PPARGC1A: variants seen among roughly 807,000 people sequenced by gnomAD.
PPARGC1A encodes PPARG coactivator 1 alpha, also known as peroxisome proliferator-activated receptor gamma coactivator 1-alpha.
A neutral mutation model predicts 88.7 loss-of-function variants in PPARGC1A; 25 were observed. The observed-to-expected ratio is 0.28, with a 90% CI of 0.21 to 0.39. The LOEUF (loss-of-function observed/expected upper bound fraction) is 0.39, where lower values mean the gene tolerates loss of function less well. Among genes scored for constraint, PPARGC1A ranks in the 10% least tolerant of loss-of-function variants. The pLI is 1.00. For missense variants in PPARGC1A, 880 were observed against 968.7 expected (o/e 0.91, Z 1.22); for synonymous variants, 363 against 355.6 (o/e 1.02, Z -0.24).
intron 1 of PPARGC1A, among the ~76,000 whole-genome samples, chr4:23,897,123 T>G (rs1457752474): frequency 6.6e-6 from 1 of 152,216 alleles, no homozygotes; most frequent in Admixed American, 6.5e-5. Context: ...ATGAAAGCTT[T>G]ATATCAGCCA....
chr4:23,855,836 G>A (rs1730102089), intron 2 of PPARGC1A, among the ~76,000 whole-genome samples: 1 of 152,104 alleles, frequency 6.6e-6, no homozygotes. Context: ...GATGTAGGAG[G>A]GGAAGTCTGG....
chr4:23,923,016 T>C, the PPARGC1A span, among the ~76,000 whole-genome samples: 1 of 152,218 alleles, frequency 6.6e-6, no homozygotes, highest in Admixed American at 6.5e-5. Context: ...GCTTTTGTTT[T>C]CATTTTGTTG....
chr4:24,076,871 C>A, the PPARGC1A span, among the ~76,000 whole-genome samples: 1 of 152,030 alleles, frequency 6.6e-6, no homozygotes. Flanking sequence ...AGTAAATATT[C>A]AACATTTATG....
chr4:24,010,339 G>C, the PPARGC1A span, among the ~76,000 whole-genome samples: 4 of 152,144 alleles, frequency 2.6e-5, no homozygotes, highest in Non-Finnish European at 4.4e-5. Flanking sequence ...CTTTGTGCAG[G>C]ATGAAGTATT....
chr4:23,827,826 A>G (rs1724239022), intron 5 of PPARGC1A, among the ~76,000 whole-genome samples: 1 of 150,618 alleles, frequency 6.6e-6, no homozygotes, highest in Non-Finnish European at 1.5e-5. Context: ...GAAGGGGAAG[A>G]AGGAGTGGAA....
chr4:24,083,949 T>C, the PPARGC1A span, among the ~76,000 whole-genome samples: 8 of 152,232 alleles, frequency 5.3e-5, no homozygotes, highest in Non-Finnish European at 1.2e-4. Context: ...TGTTTCTTCA[T>C]TTAGTCCTCA....
chr4:23,921,366 AAG>A, the PPARGC1A span, among the ~76,000 whole-genome samples: 1 of 152,198 alleles, frequency 6.6e-6, no homozygotes, highest in African/African-American at 2.4e-5. Context: ...GTCTACCACA[AAG>A]AGAAATGCAT....
chr4:24,261,728 G>A, the PPARGC1A span, among the ~76,000 whole-genome samples: 9 of 149,250 alleles, frequency 6.0e-5, no homozygotes, highest in South Asian at 2.2e-4. Context: ...GCTTTCTTCC[G>A]TTCCTTTCTC....
At chr4:23,915,631 A>G in the PPARGC1A span, among the ~76,000 whole-genome samples, 2 of 152,196 alleles carry the variant, frequency 1.3e-5, no homozygotes, top group Non-Finnish European at 2.9e-5. Flanking sequence ...CAGCTCTAGA[A>G]TAATGCCTGG....
At chr4:23,863,119 TATGACAAC>T (rs1731536352) in intron 2 of PPARGC1A, among the ~76,000 whole-genome samples, 1 of 152,136 alleles carries the variant, frequency 6.6e-6, no homozygotes, top group African/African-American at 2.4e-5. Flanking sequence ...TATCACTTAA[TATGACAAC>T]AATCTTTATT....
chr4:24,257,742 C>T, the PPARGC1A span, among the ~76,000 whole-genome samples: 1 of 152,178 alleles, frequency 6.6e-6, no homozygotes, highest in Admixed American at 6.5e-5. Context: ...TCATCCTTAA[C>T]AAAATATCAT....
chr4:24,226,653 C>T, the PPARGC1A span, among the ~76,000 whole-genome samples: 1 of 152,236 alleles, frequency 6.6e-6, no homozygotes, highest in Non-Finnish European at 1.5e-5. Context: ...TAAGGTAACA[C>T]AGAAGTCCTG....
chr4:24,422,577 A>G, the PPARGC1A span, among the ~76,000 whole-genome samples: 1 of 151,618 alleles, frequency 6.6e-6, no homozygotes, highest in African/African-American at 2.4e-5. Context: ...CTACACCCTG[A>G]GCTACATAGT....
the PPARGC1A span, among the ~76,000 whole-genome samples, chr4:24,326,143 T>C: frequency 6.6e-6 from 1 of 152,098 alleles, no homozygotes; most frequent in East Asian, 1.9e-4. Context: ...CGACTGATCA[T>C]GCACCCCTTA....
the PPARGC1A span, among the ~76,000 whole-genome samples, chr4:24,434,343 T>G: frequency 6.6e-6 from 1 of 152,298 alleles, no homozygotes; most frequent in South Asian, 2.1e-4. Flanking sequence ...CATGAGCTGA[T>G]GCAGCATGCC....
At chr4:24,050,994 T>C in the PPARGC1A span, among the ~76,000 whole-genome samples, 1 of 151,960 alleles carries the variant, frequency 6.6e-6, no homozygotes, top group Non-Finnish European at 1.5e-5. Flanking sequence ...GAGACCATCC[T>C]GGCTAACATG....
the PPARGC1A span, among the ~76,000 whole-genome samples, chr4:24,220,496 G>A: frequency 1.3e-5 from 2 of 152,142 alleles, no homozygotes; most frequent in Admixed American, 1.3e-4. Flanking sequence ...CGGTGGATTG[G>A]ATAAAGAAAA....
the PPARGC1A span, among the ~76,000 whole-genome samples, chr4:24,153,521 G>A: frequency 7.2e-5 from 11 of 152,144 alleles, no homozygotes; most frequent in African/African-American, 2.7e-4. Context: ...ACTGGGCATA[G>A]GAGACATATG....
the PPARGC1A span, among the ~76,000 whole-genome samples, chr4:24,048,309 A>T: frequency 6.6e-6 from 1 of 152,164 alleles, no homozygotes; most frequent in Admixed American, 6.5e-5. Flanking sequence ...GCATTACAGG[A>T]TGACTCTTCT....
Sources: gnomAD v4.1 joint callset for allele counts (sites outside exome capture counted in the v4.1 genomes callset) on GRCh38, gnomAD v4.1.1 for gene constraint, MANE v1.5 for transcripts, NCBI Gene and HGNC (gene_info 2026-07-23, HGNC 2026-07-21) for gene names.